The following MALRD1 variants were observed in gnomAD, a reference collection of about 807,000 sequenced individuals.
MALRD1 encodes MAM and LDL-receptor class A domain-containing protein 1.
A neutral mutation model predicts 242.1 loss-of-function variants in MALRD1; 247 were observed. The ratio of observed to expected loss-of-function variants is 1.02; its 90% CI spans 0.92 to 1.13. MALRD1 has a LOEUF of 1.13. Ranked by LOEUF, MALRD1 falls within the 50% of genes most tolerant of loss-of-function variation. The pLI, the probability that MALRD1 is intolerant of heterozygous loss-of-function variation, is 0.00. For synonymous variants in MALRD1, 995 were observed against 866.6 expected, an observed-to-expected ratio of 1.15 and a Z score of -2.60; for missense variants, 2,989 against 2,533.1, an observed-to-expected ratio of 1.18 and a Z score of -3.86.
At chr10:19,509,693 T>G (rs915931942) in intron 31 of MALRD1, among the ~76,000 whole-genome samples, 5 of 152,138 alleles carry the variant, frequency 3.3e-5, no homozygotes, top group African/African-American at 1.2e-4. Flanking sequence ...AGTGAGACCA[T>G]TTGATACACA....
intron 28 of MALRD1, among the ~76,000 whole-genome samples, chr10:19,437,393 T>C (rs1280322224): frequency 6.6e-6 from 1 of 152,136 alleles, no homozygotes; most frequent in Non-Finnish European, 1.5e-5. Context: ...TAACTTCCAA[T>C]TTCTGGAAGC....
chr10:19,484,118 C>G (rs907675032), intron 29 of MALRD1, among the ~76,000 whole-genome samples: 2 of 152,102 alleles, frequency 1.3e-5, no homozygotes, highest in Non-Finnish European at 2.9e-5. Context: ...CTGGGAACTA[C>G]TGACAAGAGA....
intron 39 of MALRD1, among the ~76,000 whole-genome samples, chr10:19,731,678 C>G (rs1220616880): frequency 6.6e-6 from 1 of 152,046 alleles, no homozygotes; most frequent in Non-Finnish European, 1.5e-5. Context: ...TTTCCCATTC[C>G]TTTCTTAAGT....
intron 32 of MALRD1, among the ~76,000 whole-genome samples, chr10:19,553,593 A>AT (rs1835588935): frequency 6.6e-6 from 1 of 152,202 alleles, no homozygotes. Context: ...AAACTGATGA[A>AT]TAAAATCAAA....
rs571002422 is a variant in MALRD1, at chr10:19,582,136, G to A, written c.5681-13058G>A. Reference sequence around the variant, plus strand: ...CCTGGATATTAGCCCTTTGTCAGATGAGTAGGTTGCAAAAATTTTCTCCCA... The same window carrying A: ...CCTGGATATTAGCCCTTTGTCAGATAAGTAGGTTGCAAAAATTTTCTCCCA... On this transcript the variant is annotated intron_variant, in intron 33 of 39. Coordinates refer to ENST00000454679, the MANE Select transcript of MALRD1 (RefSeq NM_001142308.3). Among the ~76,000 whole-genome samples the A allele has an allele frequency of 1.6e-4, 25 of 152,096 alleles. No individual in the cohort carries two copies. In the South Asian group the frequency reaches 2.3e-3, roughly 14 times the overall value.
intron 28 of MALRD1, among the ~76,000 whole-genome samples, chr10:19,401,883 C>T (rs1055579174): frequency 2.6e-5 from 4 of 152,114 alleles, no homozygotes; most frequent in African/African-American, 9.7e-5. Flanking sequence ...GTCTTGTGTA[C>T]TTTTTATGTA....
chr10:19,598,501 G>C (rs1838213189), intron 34 of MALRD1: 1 of 151,624 alleles, frequency 6.6e-6, no homozygotes, highest in Non-Finnish European at 1.5e-5. Context: ...GGACTTCCAA[G>C]TTTCTAATTT....
chr10:19,641,522 C>G (rs1221285145), intron 36 of MALRD1, among the ~76,000 whole-genome samples: 1 of 152,090 alleles, frequency 6.6e-6, no homozygotes, highest in Non-Finnish European at 1.5e-5. Context: ...CTCCCCAGTA[C>G]CATATTGGTC....
intron 26 of MALRD1, among the ~76,000 whole-genome samples, chr10:19,368,500 A>G (rs939086387): frequency 4.0e-5 from 6 of 151,888 alleles, no homozygotes; most frequent in Non-Finnish European, 8.8e-5. Context: ...TGCCAATACC[A>G]TGTTGTTTTG....
chr10:19,523,858 C>T (rs10827516), intron 31 of MALRD1, among the ~76,000 whole-genome samples: 105,600 of 151,776 alleles, frequency 0.7, 37,435 homozygotes, highest in African/African-American at 0.84. Context: ...ATAATATTGA[C>T]TTTGATGACA....
chr10:19,420,002 C>G (rs534800340), intron 28 of MALRD1, among the ~76,000 whole-genome samples: 1 of 152,118 alleles, frequency 6.6e-6, no homozygotes, highest in African/African-American at 2.4e-5. Context: ...ATAAATGGCA[C>G]TGGAATATAA....
chr10:19,441,515 G>A (rs186803712), intron 28 of MALRD1, among the ~76,000 whole-genome samples: 53 of 152,210 alleles, frequency 3.5e-4, no homozygotes, highest in Admixed American at 5.2e-4. Context: ...ATTAATTTTC[G>A]TATAAGGTGT....
At chr10:19,499,541 G>T (rs1175384475) in intron 31 of MALRD1, among the ~76,000 whole-genome samples, 1 of 151,888 alleles carries the variant, frequency 6.6e-6, no homozygotes, top group Admixed American at 6.6e-5. Flanking sequence ...TGGTTCTCCA[G>T]CCTGACAGTC....
At chr10:19,072,083 C>A (rs1835166888) in intron 2 of MALRD1, among the ~76,000 whole-genome samples, 1 of 152,096 alleles carries the variant, frequency 6.6e-6, no homozygotes, top group Non-Finnish European at 1.5e-5. Flanking sequence ...AACCAGCAAC[C>A]ATTTTCTTAT....
intron 36 of MALRD1, among the ~76,000 whole-genome samples, chr10:19,641,531 T>G (rs1326985): frequency 6.6e-6 from 1 of 152,096 alleles, no homozygotes; most frequent in Non-Finnish European, 1.5e-5. Flanking sequence ...ACCATATTGG[T>G]CATCATTTAG....
chr10:19,678,794 A>G (rs991165819), intron 36 of MALRD1, among the ~76,000 whole-genome samples: 2 of 152,136 alleles, frequency 1.3e-5, no homozygotes, highest in Admixed American at 6.6e-5. Flanking sequence ...TTTGTCATAA[A>G]TGGCTTTTAT....
intron 29 of MALRD1, among the ~76,000 whole-genome samples, chr10:19,457,854 G>T (rs1835739692): frequency 6.6e-6 from 1 of 151,464 alleles, no homozygotes; most frequent in African/African-American, 2.4e-5. Flanking sequence ...TTAAAACATT[G>T]TTAAGTGATG....
At chr10:19,491,836 A>G (rs569657191) in intron 30 of MALRD1, among the ~76,000 whole-genome samples, 191 bp downstream of exon 30, 1 of 152,318 alleles carries the variant, frequency 6.6e-6, no homozygotes, top group South Asian at 2.1e-4. Context: ...CAGTACTTTC[A>G]TATTCTTTAC....
intron 14 of MALRD1, 27 bp downstream of exon 14, chr10:19,175,355 G>A (rs1039372693): frequency 5.8e-5 from 71 of 1,224,382 alleles, no homozygotes; most frequent in Non-Finnish European, 6.7e-5. Context: ...CGTTGTTGCT[G>A]TTTTAAACAT....
Sources: allele counts gnomAD v4.1 joint callset (sites outside exome capture counted in the v4.1 genomes callset), GRCh38; gene constraint gnomAD v4.1.1; transcripts MANE v1.5; gene names NCBI Gene and HGNC (gene_info 2026-07-23, HGNC 2026-07-21).